CCDC112: variants seen among roughly 807,000 people sequenced by gnomAD.
CCDC112 encodes coiled-coil domain-containing protein 112.
CCDC112 carries 40 observed loss-of-function variants against 66.3 expected under a neutral mutation model. The observed-to-expected ratio is 0.60, with a 90% CI of 0.47 to 0.79. CCDC112 has a LOEUF of 0.79. Ranked by LOEUF, CCDC112 falls within the 30% of genes least tolerant of loss-of-function variation. The probability of loss-of-function intolerance (pLI) is 0.00; values close to 1 mark genes in which losing one functional copy is unlikely to be tolerated. For synonymous variants in CCDC112, 214 were observed against 197.2 expected, an observed-to-expected ratio of 1.09 and a Z score of -0.71; for missense variants, 659 against 603.8, an observed-to-expected ratio of 1.09 and a Z score of -0.96.
At chr5:115,284,328 T>C (rs909579419) in intron 2 of CCDC112, among the ~76,000 whole-genome samples, 3 of 152,100 alleles carry the variant, frequency 2.0e-5, no homozygotes, top group African/African-American at 7.2e-5. Context: ...ATCCTCAACA[T>C]CCTCATTTGT....
chr5:115,270,543 T>C (rs1748953005), intron 7 of CCDC112, among the ~76,000 whole-genome samples: 1 of 152,174 alleles, frequency 6.6e-6, no homozygotes, highest in South Asian at 2.1e-4. Context: ...AAGATAAGTT[T>C]CTACAATGCA....
intron 1 of CCDC112, among the ~76,000 whole-genome samples, chr5:115,294,575 T>C (rs1474641723): frequency 1.3e-5 from 2 of 152,226 alleles, no homozygotes; most frequent in Non-Finnish European, 2.9e-5. Context: ...CATTTTGTTA[T>C]AGAAGCCCTA....
Position 115,267,687 on chromosome 5 carries a change from T to C in CCDC112, c.*189A>G, listed in dbSNP as rs1012987234. On this transcript the variant is annotated 3_prime_UTR_variant, in exon 10 of 10. Transcript: ENST00000379611. The stretch of plus-strand genomic sequence containing the variant: ...ATAATAGGCCAACACATATATTAAA[T>C]ACCTTCTTGGTAGAAGCAGGAATAC... The C allele has an allele frequency of 6.4e-5, 39 of 605,598 alleles. No homozygotes were observed. Among genetic ancestry groups the C allele is most frequent in the Non-Finnish European group, 1.0e-4 (35 of 339,122 alleles). The allele number at this position is 605,598 out of a possible 1,614,324, so 37.5% of individuals were successfully genotyped here.
chr5:115,295,562 C>A (rs1047751161), intron 1 of CCDC112, among the ~76,000 whole-genome samples: 4 of 152,068 alleles, frequency 2.6e-5, no homozygotes, highest in African/African-American at 9.7e-5. Context: ...CTCATGACAG[C>A]CTTCCTTCAG....
chr5:115,269,708 CTTTTAA>C lies in CCDC112; in HGVS notation c.1417_1422del (p.Leu473_Lys474del). The C allele has an allele frequency of 6.3e-7, 1 of 1,589,172 alleles. No individual in the cohort carries two copies. Among genetic ancestry groups the C allele is most frequent in the Non-Finnish European group, 8.6e-7 (1 of 1,166,708 alleles). On this transcript the variant is annotated inframe_deletion, in exon 8 of 10. Coordinates refer to ENST00000379611, the MANE Select transcript of CCDC112 (RefSeq NM_001040440.3). Reference sequence around the variant, plus strand: ...ATAATCTCGGTGCAGAGTACCTTTTCTTTTAATTTTGCCAGTCTTCTTTGTTTTTGT... The same window carrying C: ...ATAATCTCGGTGCAGAGTACCTTTTCTTTTGCCAGTCTTCTTTGTTTTTGT...
chr5:115,288,648 A>C (rs1193073024), intron 1 of CCDC112, among the ~76,000 whole-genome samples: 1 of 152,222 alleles, frequency 6.6e-6, no homozygotes, highest in Non-Finnish European at 1.5e-5. Flanking sequence ...CCGTGACTCC[A>C]TATCGCCATT....
chr5:115,275,391 C>T lies in CCDC112; in HGVS notation c.743G>A (p.Gly248Asp), dbSNP rs141845700. Residue 248 changes from glycine to aspartate, a missense_variant, in exon 6 of 10, where the codon GGT becomes GAT. Physicochemically the swap from Gly to Asp is moderately conservative, Grantham distance 94 (BLOSUM62 -1). Coordinates refer to ENST00000379611, the MANE Select transcript of CCDC112 (RefSeq NM_001040440.3). Reference protein sequence around the residue: ...KFLQQTGGRQGAWDDYDHQNF... With the variant: ...KFLQQTGGRQDAWDDYDHQNF... ...CTGGTGATCATAATCATCCCAGGCA[C>T]CTTGTCGCCCTCCTGTTTGCTGAAG... 10 of 1,613,922 alleles carry T rather than the reference C, an allele frequency of 6.2e-6. No homozygotes were observed. The highest frequency in any genetic ancestry group is 4.5e-5 in the East Asian group (2 of 44,872).
At chr5:115,278,275 G>A (rs1749294480) in intron 3 of CCDC112, among the ~76,000 whole-genome samples, 1 of 151,976 alleles carries the variant, frequency 6.6e-6, no homozygotes, top group Non-Finnish European at 1.5e-5. Flanking sequence ...TGGATAGATA[G>A]ACAAATCATT....
intron 2 of CCDC112, among the ~76,000 whole-genome samples, chr5:115,281,025 ATTT>A (rs61604275): frequency 2.9e-5 from 4 of 140,316 alleles, no homozygotes; most frequent in Non-Finnish European, 3.1e-5. Flanking sequence ...TACATAGAGA[ATTT>A]TTTTTTTTTT....
At chr5:115,276,619 T>C (rs542845072) in intron 4 of CCDC112, among the ~76,000 whole-genome samples, 50 of 105,592 alleles carry the variant, frequency 4.7e-4, no homozygotes, top group African/African-American at 2.0e-3. Context: ...TCAATCTTTT[T>C]TCCCCTTAAT....
At chr5:115,272,430 G>C (rs1749044644) in intron 6 of CCDC112, among the ~76,000 whole-genome samples, 2 of 152,148 alleles carry the variant, frequency 1.3e-5, no homozygotes, top group Non-Finnish European at 2.9e-5. Flanking sequence ...CCATTTACTA[G>C]GTGTGGCATT....
At position 115,279,715 on chromosome 5, in the gene CCDC112, T is replaced by G; in HGVS notation, c.293A>C (p.Asp98Ala). 1 of 1,600,582 alleles carries G rather than the reference T, an allele frequency of 6.2e-7. No individual in the cohort carries two copies. Among genetic ancestry groups the G allele is most frequent in the Non-Finnish European group, 8.6e-7 (1 of 1,168,572 alleles). The change falls in exon 3 of 10, where the codon GAC (aspartate) becomes GCC (alanine). Residue 98 changes from aspartate to alanine, a missense_variant. By Grantham distance (126) the Asp-to-Ala change is moderately radical. Transcript: ENST00000379611. Reference sequence around the variant, plus strand: ...TAGCATACTATGCTCAATTCTGAAGTCACTTTTTTGGTTGTAGAAATGACT... The same window carrying G: ...TAGCATACTATGCTCAATTCTGAAGGCACTTTTTTGGTTGTAGAAATGACT... The part of the protein sequence containing the change: ...KHSHFYNQKS[D>A]FRIEHSMLEE...
At chr5:115,280,802 C>A (rs1749422461) in intron 2 of CCDC112, among the ~76,000 whole-genome samples, 1 of 152,030 alleles carries the variant, frequency 6.6e-6, no homozygotes, top group African/African-American at 2.4e-5. Flanking sequence ...GATCTGCCCA[C>A]CTCGGCCTCC....
At chr5:115,268,687 C>A (rs1276389626) in intron 9 of CCDC112, among the ~76,000 whole-genome samples, 195 bp downstream of exon 9, 2 of 145,008 alleles carry the variant, frequency 1.4e-5, no homozygotes, top group Admixed American at 6.9e-5. Flanking sequence ...TATTATATAT[C>A]CTTATATATT....
At chr5:115,294,963 C>T (rs1323750666) in intron 1 of CCDC112, among the ~76,000 whole-genome samples, 1 of 152,138 alleles carries the variant, frequency 6.6e-6, no homozygotes, top group African/African-American at 2.4e-5. Context: ...GCTTTCCCTA[C>T]TAAAGTGGTA....
At chr5:115,277,492 T>G (rs975937418) in intron 3 of CCDC112, among the ~76,000 whole-genome samples, 1 of 152,236 alleles carries the variant, frequency 6.6e-6, no homozygotes, top group Non-Finnish European at 1.5e-5. Context: ...CTGTGAATAC[T>G]GAGAAACTTC....
At chr5:115,268,847 T>G in intron 9 of CCDC112, 35 bp downstream of exon 9, 1 of 1,203,980 alleles carries the variant, frequency 8.3e-7, no homozygotes, top group Admixed American at 2.3e-5. Flanking sequence ...AGCAATTAAA[T>G]TACTAAATGA....
chr5:115,296,382 C>A, intron 1 of CCDC112, 45 bp downstream of exon 1: 1 of 1,543,166 alleles, frequency 6.5e-7, no homozygotes, highest in Non-Finnish European at 8.7e-7. Context: ...GGGCCTGCAG[C>A]CCCTCGCCTG....
At position 115,271,634 on chromosome 5, in the gene CCDC112, AT is replaced by A. The variant is rs751643755; in HGVS notation, c.919-9del. ...TTTCCAAATCTGAATTGACTAAATG[AT>A]TTTTTTAAAAAAAGAAAGCAAGAGA... On this transcript the variant is annotated splice_polypyrimidine_tract_variant and intron_variant, in intron 6 of 9. Coordinates refer to ENST00000379611, the MANE Select transcript of CCDC112 (RefSeq NM_001040440.3). The A allele has an allele frequency of 1.4e-6, 2 of 1,476,920 alleles. No homozygotes were observed. The highest frequency in any genetic ancestry group is 1.8e-6 in the Non-Finnish European group (2 of 1,117,266). 91.5% of individuals were successfully genotyped at this position (1,476,920 alleles called of 1,614,324 possible). A position where few individuals can be genotyped will look rare whatever the true frequency, so the allele number is the denominator to read the frequency against.
Sources: allele counts gnomAD v4.1 joint callset (sites outside exome capture counted in the v4.1 genomes callset), GRCh38; gene constraint gnomAD v4.1.1; transcripts MANE v1.5; gene names NCBI Gene and HGNC (gene_info 2026-07-23, HGNC 2026-07-21).